Variants in TENM2 observed in about 807,000 individuals in gnomAD.
The protein encoded by TENM2 is teneurin-2.
A neutral mutation model predicts 245.2 loss-of-function variants in TENM2; 52 were observed. The observed-to-expected ratio is 0.21, with a 90% CI of 0.17 to 0.27. The LOEUF (loss-of-function observed/expected upper bound fraction) is 0.27. TENM2 is among the 10% of genes least tolerant of loss of function. TENM2 has a pLI of 1.00. For synonymous variants in TENM2, 1,363 were observed against 1,438.9 expected (o/e 0.95, Z 1.19); for missense variants, 3,046 against 3,666.8 (o/e 0.83, Z 4.37).
intron 2 of TENM2, among the ~76,000 whole-genome samples, chr5:167,583,161 G>A (rs956499651): frequency 2.0e-5 from 3 of 152,166 alleles, no homozygotes; most frequent in Admixed American, 2.0e-4. Flanking sequence ...AAACAGCACA[G>A]CAGGGATTCA....
At chr5:167,890,567 G>A (rs537512012) in intron 3 of TENM2, among the ~76,000 whole-genome samples, 3 of 152,168 alleles carry the variant, frequency 2.0e-5, no homozygotes, top group African/African-American at 7.2e-5. Flanking sequence ...ACCAAGAGAC[G>A]TACATAAACA....
intron 5 of TENM2, among the ~76,000 whole-genome samples, chr5:168,025,799 C>A (rs935216861): frequency 6.6e-6 from 1 of 152,092 alleles, no homozygotes; most frequent in Non-Finnish European, 1.5e-5. Flanking sequence ...CATGAAGAGA[C>A]CACCCACAAG....
chr5:167,165,921 A>G, the TENM2 span, among the ~76,000 whole-genome samples: 1 of 152,198 alleles, frequency 6.6e-6, no homozygotes, highest in East Asian at 1.9e-4. Context: ...ATTGGGCTAC[A>G]TATTCAACAA....
At chr5:167,855,633 G>A (rs777481438) in intron 2 of TENM2, among the ~76,000 whole-genome samples, 42 of 122,828 alleles carry the variant, frequency 3.4e-4, no homozygotes, top group Non-Finnish European at 4.5e-4. Flanking sequence ...CGAAGAATAT[G>A]TGTCAAAAAT....
At chr5:167,753,139 T>G (rs941244308) in intron 2 of TENM2, among the ~76,000 whole-genome samples, 1 of 152,160 alleles carries the variant, frequency 6.6e-6, no homozygotes, top group African/African-American at 2.4e-5. Flanking sequence ...TCGTTTGAGA[T>G]TATGCAATTT....
exon 12 of TENM2, chr5:168,126,877 G>C: frequency 6.2e-7 from 1 of 1,608,666 alleles, no homozygotes; most frequent in Non-Finnish European, 8.5e-7. Context: ...ATTGAGCACG[G>C]GACCTGTAAA....
chr5:167,099,333 A>C, the TENM2 span, among the ~76,000 whole-genome samples: 1 of 152,222 alleles, frequency 6.6e-6, no homozygotes, highest in Non-Finnish European at 1.5e-5. Context: ...TGTACTAGTA[A>C]TAATTCTCAC....
At chr5:168,248,320 A>C (rs1382472172) in exon 27 of TENM2, 9 of 1,613,994 alleles carry the variant, frequency 5.6e-6, no homozygotes, top group Non-Finnish European at 7.6e-6. Flanking sequence ...GTATATGTTC[A>C]AGAGCAACAA....
At chr5:167,668,436 G>A (rs1373208997) in intron 2 of TENM2, among the ~76,000 whole-genome samples, 1 of 152,082 alleles carries the variant, frequency 6.6e-6, no homozygotes, top group East Asian at 1.9e-4. Context: ...TTCCACAAAT[G>A]TTAAATGCTA....
chr5:167,936,063 GACAA>G (rs1224306573), intron 3 of TENM2, among the ~76,000 whole-genome samples: 5 of 152,126 alleles, frequency 3.3e-5, no homozygotes, highest in Non-Finnish European at 7.4e-5. Context: ...AATTTCCTAA[GACAA>G]ACAAGTTTCT....
chr5:167,877,483 A>G (rs571457321), intron 3 of TENM2, among the ~76,000 whole-genome samples: 3 of 152,354 alleles, frequency 2.0e-5, no homozygotes, highest in Non-Finnish European at 2.9e-5. Flanking sequence ...ATAAATCTTT[A>G]TTAGAACTCA....
At chr5:167,694,742 T>C (rs1294471592) in intron 2 of TENM2, among the ~76,000 whole-genome samples, 1 of 152,212 alleles carries the variant, frequency 6.6e-6, no homozygotes, top group Non-Finnish European at 1.5e-5. Flanking sequence ...TTCTCATTAG[T>C]TGTGGTAAGT....
intron 1 of TENM2, among the ~76,000 whole-genome samples, chr5:167,339,092 T>C (rs1757947173): frequency 6.6e-6 from 1 of 152,192 alleles, no homozygotes; most frequent in Non-Finnish European, 1.5e-5. Flanking sequence ...ATTCATTGTA[T>C]CTCAACAGTT....
At chr5:167,565,533 A>C (rs1773853618) in intron 2 of TENM2, among the ~76,000 whole-genome samples, 1 of 152,214 alleles carries the variant, frequency 6.6e-6, no homozygotes, top group African/African-American at 2.4e-5. Flanking sequence ...TAGCTTCCAT[A>C]ATGCAATTCT....
intron 5 of TENM2, among the ~76,000 whole-genome samples, chr5:168,037,092 T>G (rs987094726): frequency 2.6e-5 from 4 of 152,206 alleles, no homozygotes; most frequent in African/African-American, 9.6e-5. Context: ...TTTAAATGTT[T>G]CAGGTTAGCT....
At chr5:168,021,080 T>C (rs954606169) in intron 5 of TENM2, among the ~76,000 whole-genome samples, 2 of 152,252 alleles carry the variant, frequency 1.3e-5, no homozygotes, top group Non-Finnish European at 1.5e-5. Context: ...GAATCGTTTG[T>C]GGCACAAAAG....
chr5:167,803,716 T>C (rs1457536733), intron 2 of TENM2, among the ~76,000 whole-genome samples: 1 of 152,120 alleles, frequency 6.6e-6, no homozygotes, highest in Non-Finnish European at 1.5e-5. Flanking sequence ...CTTTCTTTGT[T>C]TATTAACTTT....
intron 2 of TENM2, among the ~76,000 whole-genome samples, chr5:167,735,411 A>C (rs1760726741): frequency 6.6e-6 from 1 of 152,258 alleles, no homozygotes; most frequent in Admixed American, 6.5e-5. Context: ...AAAACTAATC[A>C]GTCAATACTA....
At position 167,990,078 on chromosome 5, in the gene TENM2, G is replaced by A. The variant is rs77789037; in HGVS notation, c.948-2866G>A. On this transcript the variant is annotated intron_variant, in intron 4 of 28. Coordinates refer to ENST00000518659, the Ensembl canonical transcript of TENM2. Reference sequence around the variant, plus strand: ...TAGTGACTCCTTACAATGCCTTTACGTTCCTTTGTTTTCATTTGATTTCCT... The same window carrying A: ...TAGTGACTCCTTACAATGCCTTTACATTCCTTTGTTTTCATTTGATTTCCT... 1.9e-3 allele frequency among the ~76,000 whole-genome samples: 290 copies of A among 152,220 alleles called. 5 individuals carry two copies. The highest frequency in any genetic ancestry group is 0.014 in the Admixed American group (215 of 15,292).
Sources: allele counts gnomAD v4.1 joint callset (sites outside exome capture counted in the v4.1 genomes callset), GRCh38; gene constraint gnomAD v4.1.1; transcripts MANE v1.5; gene names NCBI Gene and HGNC (gene_info 2026-07-23, HGNC 2026-07-21).